MELK: variants seen among roughly 807,000 people sequenced by gnomAD.
MELK encodes pEg3 kinase.
A neutral mutation model predicts 85.0 loss-of-function variants in MELK; 81 were observed. That is an observed-to-expected ratio of 0.95 (90% CI 0.80 to 1.15). The LOEUF (loss-of-function observed/expected upper bound fraction) is 1.15, where lower values mean the gene tolerates loss of function less well. Ranked by LOEUF, MELK falls within the 50% of genes most tolerant of loss-of-function variation. MELK has a pLI of 0.00. For synonymous variants in MELK, 252 were observed against 265.0 expected (o/e 0.95, Z 0.48); for missense variants, 754 against 777.5 (o/e 0.97, Z 0.36).
At chr9:36,643,620 G>A (rs1172375936) in intron 11 of MELK, among the ~76,000 whole-genome samples, 1 of 151,920 alleles carries the variant, frequency 6.6e-6, no homozygotes, top group Non-Finnish European at 1.5e-5. Flanking sequence ...TGATGAAGAA[G>A]AATTACAGTG....
chr9:36,596,417 G>A (rs1190043508), intron 5 of MELK, among the ~76,000 whole-genome samples: 5 of 151,794 alleles, frequency 3.3e-5, no homozygotes, highest in Admixed American at 2.6e-4. Flanking sequence ...CACCACGCCC[G>A]GCTAATTTTT....
intron 16 of MELK, among the ~76,000 whole-genome samples, chr9:36,672,079 C>T (rs1587638311): frequency 2.0e-5 from 3 of 151,982 alleles, no homozygotes; most frequent in African/African-American, 4.8e-5. Context: ...CAAATCTGGG[C>T]GGTTTGAGGG....
At chr9:36,638,362 C>A (rs376858940) in intron 10 of MELK, among the ~76,000 whole-genome samples, 4 of 151,698 alleles carry the variant, frequency 2.6e-5, no homozygotes, top group Non-Finnish European at 5.9e-5. Context: ...CTCGGCTCAC[C>A]GCAGCCTCTT....
At chr9:36,624,346 C>A (rs2136293644) in intron 8 of MELK, among the ~76,000 whole-genome samples, 1 of 152,212 alleles carries the variant, frequency 6.6e-6, no homozygotes, top group African/African-American at 2.4e-5. Flanking sequence ...AGAGGTAGAT[C>A]CTGGATTTGA....
At chr9:36,653,136 C>G (rs971836709) in intron 12 of MELK, among the ~76,000 whole-genome samples, 2 of 152,070 alleles carry the variant, frequency 1.3e-5, no homozygotes, top group African/African-American at 4.8e-5. Context: ...TTGTCATGGA[C>G]TTTAAAAAAT....
At chr9:36,593,755 A>G (rs1823890192) in intron 4 of MELK, among the ~76,000 whole-genome samples, 1 of 152,040 alleles carries the variant, frequency 6.6e-6, no homozygotes, top group African/African-American at 2.4e-5. Context: ...GCAGTGGTGC[A>G]ATCTTGGCTC....
chr9:36,595,169 TC>T (rs1824067077), intron 5 of MELK, among the ~76,000 whole-genome samples: 1 of 151,956 alleles, frequency 6.6e-6, no homozygotes, highest in Non-Finnish European at 1.5e-5. Context: ...GGAGTCTCAC[TC>T]CGTCGCCCAG....
intron 8 of MELK, among the ~76,000 whole-genome samples, chr9:36,618,943 A>C (rs373048735): frequency 6.6e-6 from 1 of 151,410 alleles, no homozygotes; most frequent in Non-Finnish European, 1.5e-5. Flanking sequence ...GAATGAGTGA[A>C]TGGTCAACTC....
rs574603221 is a variant in MELK at position 36,598,192 on chromosome 9, T to G, written c.474+902T>G. Among the ~76,000 whole-genome samples the G allele has an allele frequency of 3.0e-4, 46 of 152,212 alleles. No individual in the cohort carries two copies. In the East Asian group the frequency reaches 6.9e-3, roughly 23 times the overall value. ...ACCAAATGCTAGAAGGCAGGTTTTT[T>G]TTTTTTTTTTTGATTGACAAACATA... is the stretch of plus-strand genomic sequence containing the variant. On this transcript the variant is annotated intron_variant, in intron 6 of 17. Transcript: ENST00000298048.
chr9:36,620,378 G>A (rs1827275394), intron 8 of MELK, among the ~76,000 whole-genome samples: 1 of 152,026 alleles, frequency 6.6e-6, no homozygotes, highest in African/African-American at 2.4e-5. Flanking sequence ...CGCATTTTAG[G>A]TGTCACCCCG....
At chr9:36,610,492 AC>A (rs948744109) in intron 8 of MELK, among the ~76,000 whole-genome samples, 1 of 152,182 alleles carries the variant, frequency 6.6e-6, no homozygotes, top group African/African-American at 2.4e-5. Context: ...CGCTTTGGGG[AC>A]CCATGTGTGT....
At chr9:36,587,804 C>A (rs1823088697) in intron 3 of MELK, among the ~76,000 whole-genome samples, 1 of 149,720 alleles carries the variant, frequency 6.7e-6, no homozygotes, top group Non-Finnish European at 1.5e-5. Context: ...GATACAGAGT[C>A]TCGCTGTGTC....
At chr9:36,668,940 A>T (rs1437222860) in intron 14 of MELK, among the ~76,000 whole-genome samples, 2 of 152,144 alleles carry the variant, frequency 1.3e-5, no homozygotes, top group African/African-American at 4.8e-5. Context: ...TAAAAGCATA[A>T]ATTGGGCCCT....
At chr9:36,610,911 T>C (rs1212881664) in intron 8 of MELK, among the ~76,000 whole-genome samples, 3 of 152,188 alleles carry the variant, frequency 2.0e-5, no homozygotes, top group African/African-American at 7.2e-5. Context: ...TCTGAAATAA[T>C]TGTATTCTAG....
In MELK at chr9:36,635,799, T is replaced by C. The variant is rs532276955; in HGVS notation, c.834+2599T>C. 3.8e-5 allele frequency among the ~76,000 whole-genome samples: 5 copies of C among 130,466 alleles called. No individual in the cohort carries two copies. The East Asian group carries it at 6.3e-4, about 16-fold the overall frequency. 85.6% of individuals were successfully genotyped at this position (130,466 alleles called of 152,430 possible). A position where few individuals can be genotyped will look rare whatever the true frequency, so the allele number is the denominator to read the frequency against. ...TTTCTACATTGTTTTTAAAAAATGC[T>C]TTTTTTTTTTTTTTTGAGATGGAGT... On this transcript the variant is annotated intron_variant, in intron 10 of 17. Transcript: ENST00000298048.
chr9:36,594,518 A>G (rs757133879), intron 4 of MELK, 110 bp from the exon 5 acceptor site: 12 of 1,291,520 alleles, frequency 9.3e-6, no homozygotes, highest in Non-Finnish European at 1.3e-5. Flanking sequence ...TCCATTCCCT[A>G]TAAAGTCGAA....
chr9:36,582,826 G>A (rs958733199), intron 2 of MELK, among the ~76,000 whole-genome samples: 1 of 152,126 alleles, frequency 6.6e-6, no homozygotes, highest in Non-Finnish European at 1.5e-5. Flanking sequence ...AAATGGAGTT[G>A]CCCTTTGTTG....
rs761540932 is a variant in MELK at position 36,665,469 on chromosome 9, T to C, written c.1296T>C (p.Ala432=). ...AAAATGTATATACTCCTAAGTCTGC[T>C]GTAAAGAATGAAGAGTACTTTATGT... ...NKENVYTPKS[A]VKNEEYFMFP... The change falls in exon 14 of 18, where the codon GCT becomes GCC. Residue 432 remains alanine, a synonymous_variant. Coordinates refer to ENST00000298048, the MANE Select transcript of MELK (RefSeq NM_014791.4). 2 of 1,613,396 alleles carry C rather than the reference T, an allele frequency of 1.2e-6. No homozygotes were observed. Among genetic ancestry groups the C allele is most frequent in the South Asian group, 2.2e-5 (2 of 91,068 alleles).
At chr9:36,578,674 T>G (rs754273510) in intron 1 of MELK, among the ~76,000 whole-genome samples, 1 of 152,188 alleles carries the variant, frequency 6.6e-6, no homozygotes, top group African/African-American at 2.4e-5. Flanking sequence ...TATGTTCAGA[T>G]TCTATTGAAA....
Sources: gnomAD v4.1 joint callset for allele counts (sites outside exome capture counted in the v4.1 genomes callset) on GRCh38, gnomAD v4.1.1 for gene constraint, MANE v1.5 for transcripts, NCBI Gene and HGNC (gene_info 2026-07-23, HGNC 2026-07-21) for gene names.